Variants in SORCS1 observed in about 807,000 individuals in gnomAD.
The protein encoded by SORCS1 is sortilin related VPS10 domain containing receptor 1.
Under a neutral mutation model 146.1 loss-of-function variants are expected in SORCS1, and 60 were observed. The ratio of observed to expected loss-of-function variants is 0.41; its 90% CI spans 0.33 to 0.51. SORCS1 has a LOEUF of 0.51. Ranked by LOEUF, SORCS1 falls within the 20% of genes least tolerant of loss-of-function variation. The probability of loss-of-function intolerance (pLI) is 0.21; values close to 1 mark genes in which losing one functional copy is unlikely to be tolerated. For synonymous variants in SORCS1, 637 were observed against 584.0 expected, an observed-to-expected ratio of 1.09 and a Z score of -1.31; for missense variants, 1,352 against 1,487.6, an observed-to-expected ratio of 0.91 and a Z score of 1.50.
intron 1 of SORCS1, among the ~76,000 whole-genome samples, chr10:107,079,284 C>A: frequency 6.6e-6 from 1 of 151,966 alleles, no homozygotes; most frequent in South Asian, 2.1e-4. Flanking sequence ...GACATGGTAC[C>A]TTTCACTAAA....
In SORCS1 at chr10:106,667,746, T is replaced by G; in HGVS notation, c.2246A>C (p.Asn749Thr). 2 of 1,614,128 alleles carry G rather than the reference T, an allele frequency of 1.2e-6. No homozygotes were observed. Among genetic ancestry groups the G allele is most frequent in the Non-Finnish European group, 1.7e-6 (2 of 1,180,012 alleles). ...GCAATCCTTTGACAGAGAGGATGGA[T>G]TGAACCAAAATGCCGGCAGGCACTG... ...NGQCLPAFWF[N>T]PSSLSKDCSL... Residue 749 changes from asparagine (N) to threonine (T), a missense_variant, in exon 17 of 26, where the codon AAT becomes ACT. Coordinates refer to ENST00000263054, the MANE Select transcript of SORCS1 (RefSeq NM_052918.5).
Position 106,808,073 on chromosome 10 carries a change from C to T in SORCS1, c.726+21501G>A, listed in dbSNP as rs553877813. Reference sequence around the variant, plus strand: ...TTCGCTCTTGTTGCCCAGGCTGGAGCGCAATGGCGCGACCTTGGATCACCA... The same window carrying T: ...TTCGCTCTTGTTGCCCAGGCTGGAGTGCAATGGCGCGACCTTGGATCACCA... On this transcript the variant is annotated intron_variant, in intron 3 of 25. Coordinates refer to ENST00000263054, the MANE Select transcript of SORCS1 (RefSeq NM_052918.5). 5.2e-4 allele frequency among the ~76,000 whole-genome samples: 79 copies of T among 152,252 alleles called. 1 individual carries two copies. The highest frequency in any genetic ancestry group is 1.7e-3 in the South Asian group (8 of 4,830).
At chr10:107,177,022 A>G in the SORCS1 span, among the ~76,000 whole-genome samples, 2 of 152,098 alleles carry the variant, frequency 1.3e-5, no homozygotes, top group African/African-American at 2.4e-5. Flanking sequence ...CTTTCTGAAG[A>G]TGTGTTATTA....
intron 1 of SORCS1, among the ~76,000 whole-genome samples, chr10:107,091,582 C>A (rs1476430661): frequency 1.3e-5 from 2 of 152,298 alleles, no homozygotes; most frequent in African/African-American, 4.8e-5. Flanking sequence ...TATGCATGGG[C>A]ATGAACTTCA....
intron 1 of SORCS1, among the ~76,000 whole-genome samples, chr10:107,141,328 C>A (rs572676618): frequency 2.6e-5 from 4 of 152,236 alleles, no homozygotes; most frequent in Admixed American, 6.5e-5. Context: ...AATACTGAAA[C>A]AAATTAAAAT....
chr10:107,055,395 C>T lies in SORCS1; in HGVS notation c.559-98815G>A, dbSNP rs1457227150. On this transcript the variant is annotated intron_variant, in intron 1 of 25. Coordinates refer to ENST00000263054, the MANE Select transcript of SORCS1 (RefSeq NM_052918.5). Reference sequence around the variant, plus strand: ...TAAGTTATACAGGCAGGACTTAATACATGTCCAAAGTTTTCCTAGGTTACT... The same window carrying T: ...TAAGTTATACAGGCAGGACTTAATATATGTCCAAAGTTTTCCTAGGTTACT... 3.9e-5 allele frequency among the ~76,000 whole-genome samples: 6 copies of T among 152,142 alleles called. No homozygotes were observed. The East Asian group carries it at 7.7e-4, about 20-fold the overall frequency.
Position 107,050,366 on chromosome 10 carries a change from T to C in SORCS1, c.559-93786A>G, listed in dbSNP as rs12251832. ...GAATCAATCAAAGAACAGGAGTGTA[T>C]GCTTCAGACATAAGGAAAATTCCTT... On this transcript the variant is annotated intron_variant, in intron 1 of 25. Transcript: ENST00000263054. Among the ~76,000 whole-genome samples the C allele has an allele frequency of 3.3e-3, 509 of 152,242 alleles. 5 individuals are homozygous for C. Among genetic ancestry groups the C allele is most frequent in the African/African-American group, 0.011 (445 of 41,562 alleles).
Position 106,992,818 on chromosome 10 carries a change from C to CTTTTTTTTTTTTTTTTTTT in SORCS1, c.559-36239_559-36238insAAAAAAAAAAAAAAAAAAA, listed in dbSNP as rs1564899170. ...GCCGAGCTAATTTCTTTCTTCCTTT[C>CTTTTTTTTTTTTTTTTTTT]TTTCTTTCTTTTTTTTTTTTTTTTT... On this transcript the variant is annotated intron_variant, in intron 1 of 25. Coordinates refer to ENST00000263054, the MANE Select transcript of SORCS1 (RefSeq NM_052918.5). 1.8e-5 allele frequency among the ~76,000 whole-genome samples: 2 copies of CTTTTTTTTTTTTTTTTTTT among 110,422 alleles called. 1 individual carries two copies. Among genetic ancestry groups the CTTTTTTTTTTTTTTTTTTT allele is most frequent in the African/African-American group, 7.4e-5 (2 of 27,144 alleles). The allele number at this position is 110,422 out of a possible 152,430, so 72.4% of individuals were successfully genotyped here.
intron 18 of SORCS1, among the ~76,000 whole-genome samples, chr10:106,645,865 G>A (rs575276478): frequency 4.0e-5 from 6 of 151,768 alleles, no homozygotes; most frequent in Admixed American, 2.0e-4. Context: ...TATTGAAAAC[G>A]TATTATTATA....
chr10:107,007,020 A>G (rs1377449049), intron 1 of SORCS1, among the ~76,000 whole-genome samples: 1 of 152,134 alleles, frequency 6.6e-6, no homozygotes, highest in African/African-American at 2.4e-5. Context: ...TTGTATCTCC[A>G]TGTCCCGACT....
intron 1 of SORCS1, among the ~76,000 whole-genome samples, chr10:106,968,155 A>G (rs1342472801): frequency 6.6e-6 from 1 of 152,044 alleles, no homozygotes; most frequent in Non-Finnish European, 1.5e-5. Context: ...GCTTGCAGTG[A>G]GCCGAGATCG....
chr10:107,158,106 T>C (rs1456675422), intron 1 of SORCS1, among the ~76,000 whole-genome samples: 2 of 152,174 alleles, frequency 1.3e-5, no homozygotes, highest in African/African-American at 4.8e-5. Flanking sequence ...AGAAAGTCCT[T>C]TTGTGAAAAC....
chr10:106,891,523 A>G (rs1951237147), intron 2 of SORCS1, among the ~76,000 whole-genome samples: 1 of 51,380 alleles, frequency 1.9e-5, no homozygotes, highest in African/African-American at 9.9e-5. Flanking sequence ...TTTTTGAGAA[A>G]AGACCTTGCT....
At chr10:107,089,448 T>A (rs191298594) in intron 1 of SORCS1, among the ~76,000 whole-genome samples, 1 of 152,170 alleles carries the variant, frequency 6.6e-6, no homozygotes, top group African/African-American at 2.4e-5. Flanking sequence ...TGAAAATCTA[T>A]CTTGTCTTTA....
intron 1 of SORCS1, among the ~76,000 whole-genome samples, chr10:107,034,992 A>G (rs968886328): frequency 5.9e-5 from 9 of 152,118 alleles, no homozygotes; most frequent in African/African-American, 2.2e-4. Flanking sequence ...CAGTTGAAGA[A>G]ATATCTAAAA....
chr10:106,685,438 G>C (rs1852758562), intron 10 of SORCS1, among the ~76,000 whole-genome samples: 1 of 152,092 alleles, frequency 6.6e-6, no homozygotes, highest in African/African-American at 2.4e-5. Context: ...GCTCATTTCA[G>C]ATAACAATAA....
rs1554908001 is a variant in SORCS1 at position 106,994,086 on chromosome 10, A to AAAAAAAAG, written c.559-37507_559-37506insCTTTTTTT. 2.8e-4 allele frequency among the ~76,000 whole-genome samples: 38 copies of AAAAAAAAG among 134,992 alleles called. 1 individual carries two copies. Among genetic ancestry groups the AAAAAAAAG allele is most frequent in the African/African-American group, 1.3e-3 (37 of 28,386 alleles). The allele number at this position is 134,992 out of a possible 152,430, so 88.6% of individuals were successfully genotyped here. The stretch of plus-strand genomic sequence containing the variant: ...CTCAAAAAAAAAAAAAAAAAAAAAA[A>AAAAAAAAG]AGAAAATGAGAAGCAAACAAATTCA... On this transcript the variant is annotated intron_variant, in intron 1 of 25. Transcript: ENST00000263054.
chr10:106,798,735 C>T (rs1052839318), intron 3 of SORCS1, among the ~76,000 whole-genome samples: 6 of 152,268 alleles, frequency 3.9e-5, no homozygotes, highest in Non-Finnish European at 4.4e-5. Context: ...GTGAATAGTG[C>T]CGCAATAAAC....
intron 1 of SORCS1, among the ~76,000 whole-genome samples, chr10:107,086,121 C>T (rs1443739993): frequency 6.6e-6 from 1 of 152,196 alleles, no homozygotes; most frequent in African/African-American, 2.4e-5. Context: ...CTCGTCTAAG[C>T]ACAATACCTA....
Sources: allele counts gnomAD v4.1 joint callset (sites outside exome capture counted in the v4.1 genomes callset), GRCh38; gene constraint gnomAD v4.1.1; transcripts MANE v1.5; gene names NCBI Gene and HGNC (gene_info 2026-07-23, HGNC 2026-07-21).